The following MSRA variants were observed in gnomAD, a reference collection of about 807,000 sequenced individuals.
MSRA encodes methionine sulfoxide reductase A.
Under a neutral mutation model 31.3 loss-of-function variants are expected in MSRA, and 54 were observed. That is an observed-to-expected ratio of 1.73 (90% CI 1.39 to 2.17). The LOEUF is 2.17. Among genes scored for constraint, MSRA ranks in the 30% most tolerant of loss-of-function variants. The pLI is 0.00. For missense variants in MSRA, 507 were observed against 300.9 expected, an observed-to-expected ratio of 1.69 and a Z score of -5.07; for synonymous variants, 169 against 116.5, an observed-to-expected ratio of 1.45 and a Z score of -2.90.
At chr8:10,251,314 G>C (rs767356202) in intron 3 of MSRA, among the ~76,000 whole-genome samples, 3 of 151,970 alleles carry the variant, frequency 2.0e-5, no homozygotes, top group Non-Finnish European at 2.9e-5. Flanking sequence ...GTAGGGATGA[G>C]TTCTCTTATT....
At chr8:10,145,188 G>C (rs1405814943) in intron 1 of MSRA, among the ~76,000 whole-genome samples, 1 of 152,210 alleles carries the variant, frequency 6.6e-6, no homozygotes, top group Non-Finnish European at 1.5e-5. Context: ...GGCCTATGCA[G>C]TGCGAGGCGA....
intron 5 of MSRA, among the ~76,000 whole-genome samples, chr8:10,373,040 A>G (rs968345297): frequency 6.6e-6 from 1 of 152,098 alleles, no homozygotes; most frequent in African/African-American, 2.4e-5. Flanking sequence ...CAGGCATGGC[A>G]TTTACCACAC....
At chr8:10,397,456 C>G (rs140974465) in intron 5 of MSRA, among the ~76,000 whole-genome samples, 3 of 152,158 alleles carry the variant, frequency 2.0e-5, no homozygotes, top group Non-Finnish European at 4.4e-5. Flanking sequence ...TCTGCAGAGC[C>G]CAGAACGAGT....
At chr8:10,142,085 A>T (rs1802765855) in intron 1 of MSRA, among the ~76,000 whole-genome samples, 1 of 152,118 alleles carries the variant, frequency 6.6e-6, no homozygotes, top group African/African-American at 2.4e-5. Context: ...CAGACTGCCG[A>T]GTAGCTGGGA....
chr8:10,312,729 C>T (rs1031864738), intron 4 of MSRA, among the ~76,000 whole-genome samples: 1 of 152,298 alleles, frequency 6.6e-6, no homozygotes, highest in African/African-American at 2.4e-5. Flanking sequence ...CCAACGAACA[C>T]AAGCTTAGTT....
Position 10,174,404 on chromosome 8 carries a change from C to G in MSRA, c.143-33429C>G, listed in dbSNP as rs1482719212. The stretch of plus-strand genomic sequence containing the variant: ...CCCAGGAGGCTTCCCGGGAGCAAGT[C>G]TATGTGTTTGGTGTCACGCAACCAT... On this transcript the variant is annotated intron_variant, in intron 1 of 5. Transcript: ENST00000317173. Among the ~76,000 whole-genome samples the G allele has an allele frequency of 3.9e-5, 6 of 152,074 alleles. No individual in the cohort carries two copies. The East Asian group carries it at 1.2e-3, about 29-fold the overall frequency.
intron 3 of MSRA, among the ~76,000 whole-genome samples, chr8:10,285,849 ATTAATT>A (rs1330421301): frequency 6.6e-6 from 1 of 152,200 alleles, no homozygotes; most frequent in Non-Finnish European, 1.5e-5. Flanking sequence ...AAAATTAAAT[ATTAATT>A]TTAATAGAAA....
intron 2 of MSRA, among the ~76,000 whole-genome samples, chr8:10,244,250 A>T (rs981320333): frequency 6.6e-6 from 1 of 152,220 alleles, no homozygotes; most frequent in African/African-American, 2.4e-5. Context: ...TAGAACACCA[A>T]TTGTACTGGA....
intron 5 of MSRA, chr8:10,320,438 A>C (rs1585460404): frequency 6.5e-6 from 1 of 153,092 alleles, no homozygotes; most frequent in Non-Finnish European, 1.5e-5. Context: ...ACTGCACTTC[A>C]GCCTGGGTGA....
chr8:10,130,327 C>T (rs1287606950), intron 1 of MSRA, among the ~76,000 whole-genome samples: 1 of 152,172 alleles, frequency 6.6e-6, no homozygotes, highest in African/African-American at 2.4e-5. Flanking sequence ...TCTTTAACTT[C>T]CCTGTGCCCC....
At position 10,340,754 on chromosome 8, in the gene MSRA, C is replaced by G. The variant is rs936468487; in HGVS notation, c.543+20765C>G. Among the ~76,000 whole-genome samples the G allele has an allele frequency of 2.6e-5, 4 of 152,198 alleles. No homozygotes were observed. The East Asian group carries it at 7.7e-4, about 29-fold the overall frequency. On this transcript the variant is annotated intron_variant, in intron 5 of 5. Coordinates refer to ENST00000317173, the MANE Select transcript of MSRA (RefSeq NM_012331.5). ...CAATTCAAAAGGTATTTACCAAGTA[C>G]CTCCGTATTCAAGGGAGGGGATGTG...
At chr8:10,381,787 T>G (rs1806086034) in intron 5 of MSRA, among the ~76,000 whole-genome samples, 1 of 152,172 alleles carries the variant, frequency 6.6e-6, no homozygotes. Context: ...AGACCTTTGC[T>G]TCCGTGGAGA....
rs555426760 is a variant in MSRA, at chr8:10,109,326, ACTTTT to A, written c.142+54684_142+54688del. On this transcript the variant is annotated intron_variant, in intron 1 of 5. Transcript: ENST00000317173. ...AAGAGCACAAATGCTTTCTTTTTTTACTTTTCTTTTCTTTTCTTTTTTTTTTTTAT... is the reference window on the plus strand; with the variant it reads ...AAGAGCACAAATGCTTTCTTTTTTTACTTTTCTTTTCTTTTTTTTTTTTAT... Among the ~76,000 whole-genome samples the A allele has an allele frequency of 1.2e-3, 175 of 150,716 alleles. 3 individuals are homozygous for A. The South Asian group carries it at 0.015, about 13-fold the overall frequency.
chr8:10,390,714 C>A (rs1461077908), intron 5 of MSRA, among the ~76,000 whole-genome samples: 4 of 152,028 alleles, frequency 2.6e-5, no homozygotes, highest in Admixed American at 6.5e-5. Context: ...CTCATTTAAC[C>A]CTGATGAGGG....
At chr8:10,234,850 C>G (rs1023549398) in intron 2 of MSRA, among the ~76,000 whole-genome samples, 23 of 151,960 alleles carry the variant, frequency 1.5e-4, no homozygotes, top group Admixed American at 1.4e-3. Flanking sequence ...AAATACTAAA[C>G]AATAACAAAA....
chr8:10,130,384 CA>C (rs1347531442), intron 1 of MSRA, among the ~76,000 whole-genome samples: 1 of 152,208 alleles, frequency 6.6e-6, no homozygotes, highest in Non-Finnish European at 1.5e-5. Context: ...TGTTGATCCC[CA>C]CTGGGGGATT....
chr8:10,220,528 G>C (rs1392891553), intron 2 of MSRA, among the ~76,000 whole-genome samples: 1 of 152,170 alleles, frequency 6.6e-6, no homozygotes, highest in Non-Finnish European at 1.5e-5. Flanking sequence ...GTTTTCTTAG[G>C]AAAAGAAATT....
At chr8:10,350,513 A>G (rs1298252795) in intron 5 of MSRA, among the ~76,000 whole-genome samples, 1 of 152,212 alleles carries the variant, frequency 6.6e-6, no homozygotes. Flanking sequence ...ATCTACTATT[A>G]AGATGGATTT....
intron 1 of MSRA, among the ~76,000 whole-genome samples, chr8:10,175,859 T>A (rs774873601): frequency 2.0e-5 from 3 of 152,278 alleles, no homozygotes; most frequent in Non-Finnish European, 2.9e-5. Flanking sequence ...TATTTACTTT[T>A]GGCTTTATCA....
Sources: gnomAD v4.1 joint callset for allele counts (sites outside exome capture counted in the v4.1 genomes callset) on GRCh38, gnomAD v4.1.1 for gene constraint, MANE v1.5 for transcripts, NCBI Gene and HGNC (gene_info 2026-07-23, HGNC 2026-07-21) for gene names.